COL15A1: variants seen among roughly 807,000 people sequenced by gnomAD.
COL15A1 encodes the protein collagen alpha-1(XV) chain.
A neutral mutation model predicts 165.9 loss-of-function variants in COL15A1; 111 were observed. The observed-to-expected ratio is 0.67, with a 90% CI of 0.57 to 0.78. COL15A1 has a LOEUF of 0.78. COL15A1 is among the 30% of genes least tolerant of loss of function. COL15A1 has a pLI of 0.00. For missense variants in COL15A1, 1,745 were observed against 1,789.7 expected (o/e 0.98, Z 0.45); for synonymous variants, 659 against 674.8 (o/e 0.98, Z 0.36).
chr9:98,945,371 A>AG (rs1413549081), intron 2 of COL15A1, among the ~76,000 whole-genome samples: 1 of 152,228 alleles, frequency 6.6e-6, no homozygotes, highest in Non-Finnish European at 1.5e-5. Context: ...CCAGGTCTGT[A>AG]GGCTCTTGCC....
intron 23 of COL15A1, chr9:99,041,200 T>C (rs947367239): frequency 5.3e-5 from 8 of 152,280 alleles, no homozygotes; most frequent in African/African-American, 1.9e-4. Flanking sequence ...TATTTGTATA[T>C]ATTAGGCTTT....
intron 6 of COL15A1, among the ~76,000 whole-genome samples, chr9:98,999,434 T>A (rs7867960): frequency 3.3e-5 from 5 of 151,738 alleles, no homozygotes; most frequent in South Asian, 2.1e-4. Flanking sequence ...GGAGGGTTGC[T>A]GGAGGGAGTG....
At chr9:99,054,955 C>T in intron 32 of COL15A1, 147 bp from the exon 33 acceptor site, 1 of 771,274 alleles carries the variant, frequency 1.3e-6, no homozygotes, top group African/African-American at 1.7e-5. Context: ...TAGCTAGCAC[C>T]TGTTTCTGCT....
chr9:99,024,523 A>C (rs191941862), intron 14 of COL15A1, among the ~76,000 whole-genome samples: 4 of 152,162 alleles, frequency 2.6e-5, no homozygotes, highest in African/African-American at 9.6e-5. Flanking sequence ...TGACCTTGTG[A>C]TCTGTCCTGA....
chr9:98,999,235 G>A (rs1418416268), intron 6 of COL15A1, among the ~76,000 whole-genome samples: 3 of 152,244 alleles, frequency 2.0e-5, no homozygotes, highest in African/African-American at 7.2e-5. Flanking sequence ...CCCGGGGACA[G>A]GCTGACCTGG....
chr9:99,045,676 G>T (rs918146252), intron 26 of COL15A1, among the ~76,000 whole-genome samples: 4 of 152,230 alleles, frequency 2.6e-5, no homozygotes, highest in Non-Finnish European at 4.4e-5. Flanking sequence ...AAGGCCCAAG[G>T]AGGTTAAGTA....
At chr9:98,985,538 GC>G in intron 2 of COL15A1, 26 bp from the exon 3 acceptor site, 1 of 1,593,100 alleles carries the variant, frequency 6.3e-7, no homozygotes, top group Non-Finnish European at 8.6e-7. Flanking sequence ...TACCTGTAAA[GC>G]GTGGCCTCTC....
rs776284906 is a variant in COL15A1, at chr9:99,047,988, G to T, written c.2781G>T (p.Gly927=). 6.3e-7 allele frequency: 1 copy of T among 1,580,122 alleles called. No individual in the cohort carries two copies. Among genetic ancestry groups the T allele is most frequent in the East Asian group, 2.3e-5 (1 of 43,772 alleles). The part of the protein sequence containing the change: ...NGLKGTKGDP[G]VIMQGPPGLP... Reference sequence around the variant, plus strand: ...TCAAGGGTACCAAAGGAGATCCAGGGGTCATTATGCAGGTGAGTCACCCTG... The same window carrying T: ...TCAAGGGTACCAAAGGAGATCCAGGTGTCATTATGCAGGTGAGTCACCCTG... Residue 927 remains glycine, a synonymous_variant, in exon 28 of 42, where the codon GGG becomes GGT. Coordinates refer to ENST00000375001, the MANE Select transcript of COL15A1 (RefSeq NM_001855.5).
chr9:99,051,840 C>G (rs1024589978), intron 30 of COL15A1, among the ~76,000 whole-genome samples: 23 of 152,216 alleles, frequency 1.5e-4, no homozygotes, highest in African/African-American at 5.3e-4. Context: ...TTATCCAGAA[C>G]AGCCTGGACT....
At chr9:98,965,611 C>T (rs1837943190) in intron 2 of COL15A1, among the ~76,000 whole-genome samples, 1 of 152,240 alleles carries the variant, frequency 6.6e-6, no homozygotes, top group Non-Finnish European at 1.5e-5. Flanking sequence ...CTTGGAATCA[C>T]TCACTTGGCC....
intron 39 of COL15A1, among the ~76,000 whole-genome samples, chr9:99,066,599 G>GTTTTTTTTTTTTTT (rs67961829): frequency 1.4e-4 from 10 of 71,040 alleles, no homozygotes; most frequent in Admixed American, 1.6e-4. Context: ...ATTTTGTTCT[G>GTTTTTTTTTTTTTT]TTTTTTTTTT....
rs1825965276 is a variant in COL15A1 at position 99,070,362 on chromosome 9, A to G, written c.*476A>G. The G allele has an allele frequency of 4.1e-6, 1 of 241,816 alleles. No homozygotes were observed. The highest frequency in any genetic ancestry group is 8.3e-6 in the Non-Finnish European group (1 of 120,268). 15.0% of individuals were successfully genotyped at this position (241,816 alleles called of 1,614,324 possible). A position where few individuals can be genotyped will look rare whatever the true frequency, so the allele number is the denominator to read the frequency against. On this transcript the variant is annotated 3_prime_UTR_variant, in exon 42 of 42. Transcript: ENST00000375001. ...TCCATCATTTGCAACTGCTGTTCGTACACAGAAACAGGACTGCTCAAATGA... is the reference window on the plus strand; with the variant it reads ...TCCATCATTTGCAACTGCTGTTCGTGCACAGAAACAGGACTGCTCAAATGA...
At chr9:99,061,297 A>G (rs1480510783) in intron 36 of COL15A1, among the ~76,000 whole-genome samples, 2 of 152,258 alleles carry the variant, frequency 1.3e-5, no homozygotes, top group African/African-American at 2.4e-5. Flanking sequence ...CTCAGTTACA[A>G]TGAAAAATAA....
chr9:99,034,699 G>T, intron 17 of COL15A1, 115 bp downstream of exon 17: 1 of 1,438,296 alleles, frequency 7.0e-7, no homozygotes, highest in Non-Finnish European at 9.2e-7. Context: ...AAATGTCATG[G>T]AACAGAGAGG....
rs769564877 is a variant in COL15A1, at chr9:99,005,020, C to T, written c.1323C>T (p.Ser441=). The T allele has an allele frequency of 3.5e-5, 56 of 1,612,192 alleles. No homozygotes were observed. The highest frequency in any genetic ancestry group is 3.3e-4 in the Middle Eastern group (2 of 6,068). Residue 441 remains serine, a synonymous_variant, in exon 9 of 42, where the codon TCC becomes TCT. Transcript: ENST00000375001. ...VAPGELDLSM[S]AQSLGEEATV... ...CCGGGGAGCTGGACCTCTCCATGTC[C>T]GCCCAGAGCCTCGGGGAAGAGGCCA...
chr9:98,945,803 C>G (rs923936642), intron 2 of COL15A1, among the ~76,000 whole-genome samples: 15 of 152,210 alleles, frequency 9.9e-5, no homozygotes, highest in African/African-American at 3.6e-4. Flanking sequence ...GTTCCATGGT[C>G]TTTTGTGAAC....
chr9:99,008,736 A>G (rs889922783), intron 9 of COL15A1, among the ~76,000 whole-genome samples: 1 of 152,144 alleles, frequency 6.6e-6, no homozygotes, highest in African/African-American at 2.4e-5. Flanking sequence ...CAGCCTCCCA[A>G]GTAGCTGGGA....
chr9:99,056,163 T>C, intron 34 of COL15A1, 97 bp from the exon 35 acceptor site: 1 of 1,264,540 alleles, frequency 7.9e-7, no homozygotes, highest in South Asian at 1.2e-5. Flanking sequence ...TAGCTGGTGT[T>C]TATTGATTTC....
chr9:98,989,051 C>G (rs1838369972), intron 4 of COL15A1, 127 bp from the exon 5 acceptor site: 1 of 707,444 alleles, frequency 1.4e-6, no homozygotes, highest in African/African-American at 1.7e-5. Flanking sequence ...CACACACACA[C>G]ACACACACAC....
Sources: gnomAD v4.1 joint callset for allele counts (sites outside exome capture counted in the v4.1 genomes callset) on GRCh38, gnomAD v4.1.1 for gene constraint, MANE v1.5 for transcripts, NCBI Gene and HGNC (gene_info 2026-07-23, HGNC 2026-07-21) for gene names.